TMEM132C: variants seen among roughly 807,000 people sequenced by gnomAD.
TMEM132C encodes the protein transmembrane protein 132C.
TMEM132C carries 29 observed loss-of-function variants against 61.4 expected under a neutral mutation model. The ratio of observed to expected loss-of-function variants is 0.47; its 90% CI spans 0.35 to 0.64. The LOEUF (loss-of-function observed/expected upper bound fraction) is 0.64. TMEM132C is among the 30% of genes least tolerant of loss of function. The pLI is 0.00. For missense variants in TMEM132C, 1,408 were observed against 1,476.9 expected (o/e 0.95, Z 0.76); for synonymous variants, 656 against 633.1 (o/e 1.04, Z -0.54).
intron 1 of TMEM132C, among the ~76,000 whole-genome samples, chr12:128,314,003 T>G (rs1872065604): frequency 6.6e-6 from 1 of 152,200 alleles, no homozygotes; most frequent in Admixed American, 6.5e-5. Flanking sequence ...AGAAGTTGAT[T>G]AAATCCATCA....
intron 2 of TMEM132C, among the ~76,000 whole-genome samples, chr12:128,478,360 A>G (rs1325451779): frequency 1.3e-5 from 2 of 152,192 alleles, no homozygotes; most frequent in East Asian, 3.8e-4. Context: ...GTGGCAAACT[A>G]GCAAAGGCTC....
intron 8 of TMEM132C, among the ~76,000 whole-genome samples, chr12:128,703,461 T>C (rs1029557523): frequency 6.6e-6 from 1 of 152,238 alleles, no homozygotes; most frequent in Non-Finnish European, 1.5e-5. Flanking sequence ...ATCTGGTCCC[T>C]GCAAAGGATG....
intron 4 of TMEM132C, among the ~76,000 whole-genome samples, chr12:128,650,187 G>T (rs1954253760): frequency 6.6e-6 from 1 of 152,150 alleles, no homozygotes; most frequent in Admixed American, 6.5e-5. Flanking sequence ...GAGGAATGAG[G>T]CTTGTTTTTA....
intron 1 of TMEM132C, among the ~76,000 whole-genome samples, chr12:128,303,569 A>G (rs1378940360): frequency 1.3e-5 from 2 of 152,202 alleles, no homozygotes; most frequent in African/African-American, 4.8e-5. Context: ...ATTAACAAAG[A>G]GCAAAAAGGG....
At chr12:128,387,158 A>AG (rs1316672510) in intron 1 of TMEM132C, among the ~76,000 whole-genome samples, 1 of 151,642 alleles carries the variant, frequency 6.6e-6, no homozygotes, top group Non-Finnish European at 1.5e-5. Context: ...AAAAAAAAAA[A>AG]AAAGAAACTA....
In TMEM132C at chr12:128,665,173, G is replaced by GCA. The variant is rs138271807; in HGVS notation, c.1306-4231_1306-4230dup. Among the ~76,000 whole-genome samples, 19 of 95,830 alleles carry GCA rather than the reference G, an allele frequency of 2.0e-4. No individual in the cohort carries two copies. The Middle Eastern group carries it at 0.027, about 135-fold the overall frequency. 62.9% of individuals were successfully genotyped at this position (95,830 alleles called of 152,430 possible). A position where few individuals can be genotyped will look rare whatever the true frequency, so the allele number is the denominator to read the frequency against. ...CACACACTCACACATACACAAACAG[G>GCA]CACACACACACACAGGCACATGCAC... is the stretch of plus-strand genomic sequence containing the variant. On this transcript the variant is annotated intron_variant, in intron 4 of 8. Coordinates refer to ENST00000435159, the MANE Select transcript of TMEM132C (RefSeq NM_001136103.3).
chr12:128,648,526 TG>T (rs1234328826), intron 4 of TMEM132C, among the ~76,000 whole-genome samples: 1 of 151,304 alleles, frequency 6.6e-6, no homozygotes, highest in African/African-American at 2.4e-5. Context: ...GTTGGATGAG[TG>T]TGTTTACTGG....
At chr12:128,345,742 C>T (rs1327395009) in intron 1 of TMEM132C, among the ~76,000 whole-genome samples, 1 of 151,790 alleles carries the variant, frequency 6.6e-6, no homozygotes, top group Non-Finnish European at 1.5e-5. Flanking sequence ...ATGTCCTTTG[C>T]TCACTTTTTA....
chr12:128,336,109 A>C (rs1215172531), intron 1 of TMEM132C, among the ~76,000 whole-genome samples: 1 of 152,222 alleles, frequency 6.6e-6, no homozygotes, highest in Admixed American at 6.5e-5. Flanking sequence ...TATTGTGAAA[A>C]TATTTGTCTA....
intron 3 of TMEM132C, among the ~76,000 whole-genome samples, chr12:128,547,743 C>T (rs953835170): frequency 4.6e-5 from 7 of 152,106 alleles, no homozygotes; most frequent in African/African-American, 9.7e-5. Flanking sequence ...TTCAAAAGGG[C>T]GAAACTGGTC....
chr12:128,629,947 CAA>C (rs1296115005), intron 4 of TMEM132C, among the ~76,000 whole-genome samples: 3 of 133,338 alleles, frequency 2.2e-5, no homozygotes, highest in Non-Finnish European at 4.7e-5. Context: ...GCCTGGAAGA[CAA>C]GAGCAAAACT....
At chr12:128,343,973 T>A (rs759026048) in intron 1 of TMEM132C, among the ~76,000 whole-genome samples, 1 of 152,238 alleles carries the variant, frequency 6.6e-6, no homozygotes, top group Non-Finnish European at 1.5e-5. Context: ...ATTGCATGTA[T>A]GAATAATTCA....
rs1329136199 is a variant in TMEM132C, at chr12:128,278,745, CGTGTATGTGTGTGT to C, written c.85+11263_85+11276del. Among the ~76,000 whole-genome samples the C allele has an allele frequency of 7.4e-5, 10 of 135,582 alleles. No individual in the cohort carries two copies. Among genetic ancestry groups the C allele is most frequent in the African/African-American group, 2.1e-4 (7 of 33,526 alleles). 88.9% of individuals were successfully genotyped at this position (135,582 alleles called of 152,430 possible). On this transcript the variant is annotated intron_variant, in intron 1 of 8. Transcript: ENST00000435159. This position sits in a 1 kb window ranked among gnomAD's most constrained non-coding sequence, Gnocchi z 4.2. ...ATATTTGTGCAGACTTGATTCTATA[CGTGTATGTGTGTGT>C]GTGTGTGTGTGTGTGTGTGTGTGTG...
At chr12:128,291,699 T>C (rs535737648) in intron 1 of TMEM132C, among the ~76,000 whole-genome samples, 3 of 152,288 alleles carry the variant, frequency 2.0e-5, no homozygotes, top group African/African-American at 7.2e-5. Context: ...CTTTCCTTCC[T>C]CAGATCCATC....
At chr12:128,417,589 T>C (rs1868825093) in intron 2 of TMEM132C, among the ~76,000 whole-genome samples, 1 of 152,214 alleles carries the variant, frequency 6.6e-6, no homozygotes, top group Non-Finnish European at 1.5e-5. Flanking sequence ...AACTAACCTC[T>C]GTGTGCCTCA....
At chr12:128,336,558 G>C (rs1325994052) in intron 1 of TMEM132C, among the ~76,000 whole-genome samples, 1 of 152,176 alleles carries the variant, frequency 6.6e-6, no homozygotes, top group African/African-American at 2.4e-5. Flanking sequence ...TATCAAATAT[G>C]TATCATTTTT....
At chr12:128,523,486 T>A (rs1400271416) in intron 2 of TMEM132C, among the ~76,000 whole-genome samples, 2 of 152,074 alleles carry the variant, frequency 1.3e-5, no homozygotes, top group African/African-American at 4.8e-5. Flanking sequence ...GCTGAAAAAA[T>A]CTGGAGACAG....
chr12:128,687,460 C>A (rs1397901878), intron 5 of TMEM132C, among the ~76,000 whole-genome samples: 1 of 151,880 alleles, frequency 6.6e-6, no homozygotes, highest in Non-Finnish European at 1.5e-5. Flanking sequence ...CCCTGGGGGA[C>A]AAAATTGCCC....
chr12:128,646,046 A>AGT (rs1414988251), intron 4 of TMEM132C, among the ~76,000 whole-genome samples: 1 of 139,644 alleles, frequency 7.2e-6, no homozygotes, highest in African/African-American at 2.7e-5. Flanking sequence ...ATTGGATATG[A>AGT]GTGTTTAGCT....
Sources: allele counts gnomAD v4.1 joint callset (sites outside exome capture counted in the v4.1 genomes callset), GRCh38; gene constraint gnomAD v4.1.1; non-coding constraint Gnocchi (gnomAD v3.1); transcripts MANE v1.5; gene names NCBI Gene and HGNC (gene_info 2026-07-23, HGNC 2026-07-21).